The following RYR2 variants were observed in gnomAD, a reference collection of about 807,000 sequenced individuals.
The protein encoded by RYR2 is cardiac muscle ryanodine receptor-calcium release channel.
Under a neutral mutation model 601.1 loss-of-function variants are expected in RYR2, and 227 were observed. The ratio of observed to expected loss-of-function variants is 0.38; its 90% CI spans 0.34 to 0.42. The LOEUF (loss-of-function observed/expected upper bound fraction) is 0.42. RYR2 is among the 10% of genes least tolerant of loss of function. RYR2 has a pLI of 1.00. For missense variants in RYR2, 4,646 were observed against 6,156.5 expected (o/e 0.75, Z 8.21); for synonymous variants, 2,223 against 2,175.1 (o/e 1.02, Z -0.61).
At chr1:237,570,823 C>T (rs2805397) in intron 29 of RYR2, among the ~76,000 whole-genome samples, 11 of 151,898 alleles carry the variant, frequency 7.2e-5, no homozygotes, top group African/African-American at 2.4e-4. Flanking sequence ...GTATCTGATA[C>T]AAATTATATA....
At chr1:237,445,610 A>G in intron 14 of RYR2, 88 bp downstream of exon 14, 1 of 1,507,178 alleles carries the variant, frequency 6.6e-7, no homozygotes, top group Admixed American at 1.8e-5. Flanking sequence ...AAAGTATGCT[A>G]TGATGGTAAT....
intron 24 of RYR2, among the ~76,000 whole-genome samples, chr1:237,515,904 CT>C (rs1666473893): frequency 4.2e-5 from 6 of 142,826 alleles, no homozygotes; most frequent in African/African-American, 5.2e-5. Flanking sequence ...TCTTCTCCTT[CT>C]CCCTCTTCTC....
At chr1:237,104,649 C>T (rs1373879933) in intron 1 of RYR2, among the ~76,000 whole-genome samples, 1 of 152,198 alleles carries the variant, frequency 6.6e-6, no homozygotes, top group Non-Finnish European at 1.5e-5. Context: ...ACTCTCCCAG[C>T]TGTTACTGGG....
intron 17 of RYR2, among the ~76,000 whole-genome samples, chr1:237,472,227 A>G (rs1041891359): frequency 6.6e-6 from 1 of 152,214 alleles, no homozygotes; most frequent in East Asian, 1.9e-4. Flanking sequence ...AAGTGCATAC[A>G]TATGCATCAT....
At chr1:237,202,022 T>C (rs1471496128) in intron 1 of RYR2, among the ~76,000 whole-genome samples, 1 of 152,142 alleles carries the variant, frequency 6.6e-6, no homozygotes, top group East Asian at 1.9e-4. Flanking sequence ...CAAGATAAAA[T>C]GTTCGTAGAG....
At chr1:237,446,431 C>G (rs1321868155) in intron 14 of RYR2, among the ~76,000 whole-genome samples, 3 of 151,824 alleles carry the variant, frequency 2.0e-5, no homozygotes, top group African/African-American at 7.3e-5. Context: ...TTGTTCTGAG[C>G]TTTTGTTATG....
chr1:237,813,248 C>T (rs998830672), intron 100 of RYR2, among the ~76,000 whole-genome samples: 1 of 152,170 alleles, frequency 6.6e-6, no homozygotes, highest in African/African-American at 2.4e-5. Context: ...AAATTCAGTT[C>T]TATTCTAGGA....
At chr1:237,467,951 C>T (rs978478123) in intron 16 of RYR2, among the ~76,000 whole-genome samples, 1 of 151,498 alleles carries the variant, frequency 6.6e-6, no homozygotes, top group African/African-American at 2.4e-5. Flanking sequence ...ATCTGCCTCC[C>T]GGGTTCAAGC....
At chr1:237,699,072 C>A in intron 64 of RYR2, 47 bp downstream of exon 64, 1 of 868,462 alleles carries the variant, frequency 1.2e-6, no homozygotes, top group Non-Finnish European at 1.8e-6. Flanking sequence ...AATAATGATA[C>A]ATGTATATAT....
At chr1:237,085,095 G>A (rs1007989092) in intron 1 of RYR2, among the ~76,000 whole-genome samples, 1 of 152,132 alleles carries the variant, frequency 6.6e-6, no homozygotes, top group African/African-American at 2.4e-5. Flanking sequence ...TGTTCATTTT[G>A]TAGCATGAGT....
chr1:237,747,136 A>G (rs1692149168), intron 80 of RYR2, among the ~76,000 whole-genome samples: 1 of 152,236 alleles, frequency 6.6e-6, no homozygotes, highest in African/African-American at 2.4e-5. Context: ...TGTGAAATCT[A>G]AATTAATGAC....
intron 1 of RYR2, among the ~76,000 whole-genome samples, chr1:237,112,109 C>G (rs1669547642): frequency 6.6e-6 from 1 of 152,028 alleles, no homozygotes; most frequent in Admixed American, 6.6e-5. Flanking sequence ...TGCTACTTCC[C>G]CTACTCTTTT....
At chr1:237,580,420 G>T (rs748118842) in intron 29 of RYR2, among the ~76,000 whole-genome samples, 1 of 151,482 alleles carries the variant, frequency 6.6e-6, no homozygotes, top group Non-Finnish European at 1.5e-5. Context: ...GCCTCCAAAG[G>T]TGTTGGGATT....
At chr1:237,334,847 CAG>C (rs1697097111) in intron 3 of RYR2, among the ~76,000 whole-genome samples, 1 of 152,154 alleles carries the variant, frequency 6.6e-6, no homozygotes, top group Non-Finnish European at 1.5e-5. Flanking sequence ...GGGTTAAAAA[CAG>C]GGGTTTATTG....
intron 1 of RYR2, among the ~76,000 whole-genome samples, chr1:237,123,650 A>ATTTTTT (rs869177997): frequency 5.1e-5 from 4 of 78,928 alleles, no homozygotes; most frequent in Non-Finnish European, 6.9e-5. Flanking sequence ...ATCAGTCACT[A>ATTTTTT]TTTTTTTTTT....
At chr1:237,278,725 G>A (rs759801490) in intron 2 of RYR2, among the ~76,000 whole-genome samples, 11 of 152,134 alleles carry the variant, frequency 7.2e-5, no homozygotes, top group Non-Finnish European at 1.5e-4. Flanking sequence ...ATAGACTTAA[G>A]CACTGAACAT....
At chr1:237,379,896 C>A (rs1476396465) in intron 8 of RYR2, among the ~76,000 whole-genome samples, 2 of 152,128 alleles carry the variant, frequency 1.3e-5, no homozygotes, top group African/African-American at 4.8e-5. Flanking sequence ...ATAATGAAGT[C>A]GTTGCTTTTA....
intron 27 of RYR2, among the ~76,000 whole-genome samples, chr1:237,566,109 C>T (rs990302249): frequency 2.0e-5 from 3 of 152,088 alleles, no homozygotes; most frequent in African/African-American, 4.8e-5. Flanking sequence ...TACAACTTTC[C>T]CTTATTTCTG....
chr1:237,111,727 C>T (rs1467899049), intron 1 of RYR2, among the ~76,000 whole-genome samples: 2 of 151,930 alleles, frequency 1.3e-5, no homozygotes, highest in African/African-American at 4.8e-5. Flanking sequence ...AGTTTTTGCT[C>T]ATTTTTGCCT....
Sources: allele counts gnomAD v4.1 joint callset (sites outside exome capture counted in the v4.1 genomes callset), GRCh38; gene constraint gnomAD v4.1.1; transcripts MANE v1.5; gene names NCBI Gene and HGNC (gene_info 2026-07-23, HGNC 2026-07-21).